The following SSBP3 variants were observed in gnomAD, a reference collection of about 807,000 sequenced individuals.
SSBP3 encodes single-stranded DNA-binding protein 3.
SSBP3 carries 5 observed loss-of-function variants against 69.6 expected under a neutral mutation model. That is an observed-to-expected ratio of 0.07 (90% confidence interval 0.04 to 0.15). The LOEUF is 0.15. SSBP3 is among the 10% of genes least tolerant of loss of function. SSBP3 has a pLI of 1.00. For missense variants in SSBP3, 312 were observed against 534.0 expected, an observed-to-expected ratio of 0.58 and a Z score of 4.10; for synonymous variants, 196 against 193.4, an observed-to-expected ratio of 1.01 and a Z score of -0.11.
At chr1:54,375,335 A>T (rs1473710232) in intron 4 of SSBP3, among the ~76,000 whole-genome samples, 4 of 132,902 alleles carry the variant, frequency 3.0e-5, no homozygotes, top group African/African-American at 1.2e-4. Flanking sequence ...GGGGGATCAC[A>T]CTGCATGCAT....
chr1:54,310,438 T>C (rs1645980570), intron 4 of SSBP3, among the ~76,000 whole-genome samples: 1 of 152,106 alleles, frequency 6.6e-6, no homozygotes, highest in Non-Finnish European at 1.5e-5. Flanking sequence ...TGGGTACACA[T>C]AAGAAAAGAG....
intron 4 of SSBP3, among the ~76,000 whole-genome samples, chr1:54,316,874 T>C (rs1646124738): frequency 6.6e-6 from 1 of 152,170 alleles, no homozygotes; most frequent in South Asian, 2.1e-4. Context: ...TGGTGAGGGC[T>C]TGAGCTCTGC....
At chr1:54,229,487 T>C (rs1469303851) in intron 14 of SSBP3, among the ~76,000 whole-genome samples, 1 of 152,100 alleles carries the variant, frequency 6.6e-6, no homozygotes, top group Non-Finnish European at 1.5e-5. Flanking sequence ...AGGCACTGCA[T>C]GGCACCCTGG....
intron 4 of SSBP3, among the ~76,000 whole-genome samples, chr1:54,316,661 AAAATAAAT>A (rs201860772): frequency 0.1 from 6,148 of 60,908 alleles, 572 homozygotes; most frequent in East Asian, 0.26. Context: ...AAAAAAAAAT[AAAATAAAT>A]AAATAAATAA....
intron 5 of SSBP3, 69 bp downstream of exon 5, chr1:54,281,369 C>CA: frequency 7.4e-7 from 1 of 1,345,406 alleles, no homozygotes; most frequent in Non-Finnish European, 1.0e-6. Context: ...CTCTCCCGCC[C>CA]TCCCACCTGC....
chr1:54,358,690 C>T (rs969896765), intron 4 of SSBP3, among the ~76,000 whole-genome samples: 10 of 152,152 alleles, frequency 6.6e-5, no homozygotes, highest in Admixed American at 2.0e-4. Flanking sequence ...AGCTGGACAG[C>T]GCTGTGGGGA....
chr1:54,389,536 G>A (rs1648333373), intron 4 of SSBP3, among the ~76,000 whole-genome samples: 1 of 151,834 alleles, frequency 6.6e-6, no homozygotes, highest in South Asian at 2.1e-4. Context: ...AGGCTGGGCA[G>A]GGGGTCATCA....
intron 14 of SSBP3, among the ~76,000 whole-genome samples, chr1:54,232,470 C>T (rs889631404): frequency 1.3e-5 from 2 of 152,152 alleles, no homozygotes; most frequent in Non-Finnish European, 2.9e-5. Flanking sequence ...CATGGTGGCT[C>T]GCACCTGTAA....
In SSBP3 at chr1:54,239,203, T is replaced by TA; in HGVS notation, c.857-5dup. 6.2e-7 allele frequency: 1 copy of TA among 1,608,660 alleles called. No homozygotes were observed. Among genetic ancestry groups the TA allele is most frequent in the African/African-American group, 1.3e-5 (1 of 74,712 alleles). On this transcript the variant is annotated splice_polypyrimidine_tract_variant and splice_region_variant and intron_variant, in intron 13 of 17. Coordinates refer to ENST00000610401, the Ensembl canonical transcript of SSBP3. ...TTGTCACTGGAATTTGTTGAATCTG[T>TA]AGAACAGTGGAAACCCACAAGTCGG...
intron 4 of SSBP3, among the ~76,000 whole-genome samples, chr1:54,355,151 C>A (rs1208306037): frequency 6.6e-6 from 1 of 152,232 alleles, no homozygotes; most frequent in Non-Finnish European, 1.5e-5. Context: ...CTGCCACATG[C>A]GGCGTCCAAC....
Position 54,365,962 on chromosome 1 carries a change from A to G in SSBP3, c.276+35899T>C, listed in dbSNP as rs556262430. ...CTAAGTTTACTCATCTGGGAAACTA[A>G]TCGCAGTTCTGACCTCACGGAGTTA... On this transcript the variant is annotated intron_variant, in intron 4 of 17. Transcript: ENST00000610401. Among the ~76,000 whole-genome samples, 5 of 152,338 alleles carry G rather than the reference A, an allele frequency of 3.3e-5. No homozygotes were observed. In the East Asian group the frequency reaches 7.7e-4, roughly 24 times the overall value.
At chr1:54,349,138 C>A (rs998817129) in intron 4 of SSBP3, among the ~76,000 whole-genome samples, 1 of 152,152 alleles carries the variant, frequency 6.6e-6, no homozygotes, top group South Asian at 2.1e-4. Context: ...ATAAAACACC[C>A]AGCATAATGT....
chr1:54,229,860 C>CGGAT (rs1394479855), intron 14 of SSBP3, among the ~76,000 whole-genome samples: 1 of 152,198 alleles, frequency 6.6e-6, no homozygotes, highest in African/African-American at 2.4e-5. Flanking sequence ...GAGCAGCTCA[C>CGGAT]GGATACCCAA....
chr1:54,369,443 G>C, intron 4 of SSBP3, among the ~76,000 whole-genome samples: 1 of 152,182 alleles, frequency 6.6e-6, no homozygotes. Context: ...CCAAGGTCAA[G>C]AATATCCACG....
chr1:54,270,408 G>A (rs994933485), intron 5 of SSBP3, among the ~76,000 whole-genome samples: 2 of 152,202 alleles, frequency 1.3e-5, no homozygotes, highest in African/African-American at 4.8e-5. Flanking sequence ...AGTCAAGGTG[G>A]CAGGGGCTAA....
chr1:54,268,701 TG>T (rs1168331483), intron 5 of SSBP3, among the ~76,000 whole-genome samples: 1 of 152,174 alleles, frequency 6.6e-6, no homozygotes, highest in Non-Finnish European at 1.5e-5. Flanking sequence ...CTGAGGAGCT[TG>T]GGGAATGGCC....
chr1:54,293,041 C>T (rs183732095), intron 4 of SSBP3, among the ~76,000 whole-genome samples: 2 of 152,230 alleles, frequency 1.3e-5, no homozygotes, highest in East Asian at 3.9e-4. Flanking sequence ...CCACCAAGAA[C>T]CAACCTGCTT....
chr1:54,257,247 A>C, intron 6 of SSBP3, 61 bp from the exon 7 acceptor site: 1 of 1,424,530 alleles, frequency 7.0e-7, no homozygotes, highest in Non-Finnish European at 9.5e-7. Context: ...ACAAACACAA[A>C]TGCTCTCCAC....
chr1:54,257,117 G>T lies in SSBP3; in HGVS notation c.507+10C>A. ...AGGGAGGGGAGAGAGAACATGAAAA[G>T]GTACAGTACCTGGTTTCCCATTCTG... On this transcript the variant is annotated intron_variant, in intron 7 of 17. Transcript: ENST00000610401. The T allele has an allele frequency of 1.3e-6, 2 of 1,598,954 alleles. No homozygotes were observed. Among genetic ancestry groups the T allele is most frequent in the Non-Finnish European group, 1.7e-6 (2 of 1,174,674 alleles).
Sources: allele counts gnomAD v4.1 joint callset (sites outside exome capture counted in the v4.1 genomes callset), GRCh38; gene constraint gnomAD v4.1.1; transcripts MANE v1.5; gene names NCBI Gene and HGNC (gene_info 2026-07-23, HGNC 2026-07-21).